The following L3MBTL4 variants were observed in gnomAD, a reference collection of about 807,000 sequenced individuals.
L3MBTL4 encodes the protein L3MBTL histone methyl-lysine binding protein 4.
In L3MBTL4, 70 loss-of-function variants were observed where a neutral mutation model predicts 84.5. That is an observed-to-expected ratio of 0.83 (90% CI 0.68 to 1.01). L3MBTL4 has a LOEUF of 1.01. Among genes scored for constraint, L3MBTL4 ranks in the 50% least tolerant of loss-of-function variants. The pLI is 0.00. For synonymous variants in L3MBTL4, 274 were observed against 259.8 expected, an observed-to-expected ratio of 1.05 and a Z score of -0.52; for missense variants, 715 against 754.8, an observed-to-expected ratio of 0.95 and a Z score of 0.62.
chr18:6,312,454 G>A (rs1182492498), intron 1 of L3MBTL4, among the ~76,000 whole-genome samples: 1 of 151,972 alleles, frequency 6.6e-6, no homozygotes, highest in Non-Finnish European at 1.5e-5. Flanking sequence ...CCAGTTCTAG[G>A]CTCTCCTCCT....
chr18:6,313,447 C>T (rs2050934307), intron 1 of L3MBTL4, among the ~76,000 whole-genome samples: 1 of 152,170 alleles, frequency 6.6e-6, no homozygotes, highest in Non-Finnish European at 1.5e-5. Flanking sequence ...TATCCTTTTG[C>T]TTCTAGTCAG....
chr18:6,099,606 ATG>A (rs1491048537), intron 14 of L3MBTL4, among the ~76,000 whole-genome samples: 5 of 126,378 alleles, frequency 4.0e-5, no homozygotes, highest in African/African-American at 1.3e-4. Flanking sequence ...ATATATATAT[ATG>A]GAGAGAGAGA....
At chr18:6,096,114 T>C (rs2058636298) in intron 14 of L3MBTL4, among the ~76,000 whole-genome samples, 1 of 152,136 alleles carries the variant, frequency 6.6e-6, no homozygotes, top group Admixed American at 6.6e-5. Context: ...ATGTGGTTCA[T>C]GCTACATGGC....
chr18:6,097,672 C>G (rs996785598), intron 14 of L3MBTL4, among the ~76,000 whole-genome samples: 1 of 152,178 alleles, frequency 6.6e-6, no homozygotes, highest in African/African-American at 2.4e-5. Flanking sequence ...GTGCCCCGGT[C>G]TGATGTCTGT....
intron 12 of L3MBTL4, among the ~76,000 whole-genome samples, chr18:6,174,411 A>G (rs1161724426): frequency 6.6e-6 from 1 of 152,216 alleles, no homozygotes; most frequent in Non-Finnish European, 1.5e-5. Flanking sequence ...GGAAACTATA[A>G]AAGAGAAGCA....
In L3MBTL4 at chr18:6,393,032, C is replaced by A. The variant is rs12605807; in HGVS notation, c.-91+21769G>T. Among the ~76,000 whole-genome samples, 898 of 151,980 alleles carry A rather than the reference C, an allele frequency of 5.9e-3. 16 individuals carry two copies. In the East Asian group the frequency reaches 0.078, roughly 13 times the overall value. On this transcript the variant is annotated intron_variant, in intron 1 of 18. Transcript: ENST00000317931. ...CCTCAGAATTCACCACTATACAATT[C>A]AACCATGTAACCAAAAACCACTTGT...
chr18:6,368,606 G>C (rs1209386335), intron 1 of L3MBTL4, among the ~76,000 whole-genome samples: 1 of 152,168 alleles, frequency 6.6e-6, no homozygotes, highest in Non-Finnish European at 1.5e-5. Flanking sequence ...GAAAGTTTAA[G>C]AGACTTCCAA....
At chr18:6,193,451 GC>G (rs1391369752) in intron 12 of L3MBTL4, among the ~76,000 whole-genome samples, 15 of 152,174 alleles carry the variant, frequency 9.9e-5, no homozygotes, top group Non-Finnish European at 1.9e-4. Flanking sequence ...CTCACCTCCA[GC>G]CCCCAAAGGG....
intron 14 of L3MBTL4, among the ~76,000 whole-genome samples, chr18:6,094,471 C>A (rs1038861701): frequency 2.6e-5 from 4 of 152,160 alleles, no homozygotes; most frequent in Non-Finnish European, 5.9e-5. Context: ...CACACAAACA[C>A]ACACACATCA....
At chr18:6,232,471 TAAAA>T (rs2047037799) in intron 10 of L3MBTL4, among the ~76,000 whole-genome samples, 1 of 152,158 alleles carries the variant, frequency 6.6e-6, no homozygotes, top group Non-Finnish European at 1.5e-5. Flanking sequence ...TACTGGTTCT[TAAAA>T]TGTTTGCTAG....
chr18:6,206,471 G>GCCC (rs974836605), intron 12 of L3MBTL4, among the ~76,000 whole-genome samples: 1 of 152,184 alleles, frequency 6.6e-6, no homozygotes, highest in Non-Finnish European at 1.5e-5. Flanking sequence ...GATCTCGCAG[G>GCCC]TCAGGCTGGT....
chr18:6,061,740 C>T (rs190362513), intron 16 of L3MBTL4, among the ~76,000 whole-genome samples: 89 of 151,934 alleles, frequency 5.9e-4, no homozygotes, highest in African/African-American at 1.9e-3. Context: ...GCACTTTATA[C>T]GATTCAATTT....
intron 1 of L3MBTL4, among the ~76,000 whole-genome samples, chr18:6,339,120 A>G (rs776344781): frequency 6.6e-5 from 10 of 152,164 alleles, no homozygotes; most frequent in Non-Finnish European, 1.3e-4. Context: ...CGACCCAAAC[A>G]TCATATCATT....
At chr18:6,068,147 A>C (rs2145946824) in intron 16 of L3MBTL4, among the ~76,000 whole-genome samples, 1 of 152,252 alleles carries the variant, frequency 6.6e-6, no homozygotes, top group South Asian at 2.1e-4. Flanking sequence ...CCTGTGGGTA[A>C]GTTCACTGTC....
intron 14 of L3MBTL4, among the ~76,000 whole-genome samples, chr18:6,095,401 G>T (rs1396935568): frequency 1.4e-5 from 2 of 142,818 alleles, no homozygotes; most frequent in African/African-American, 5.5e-5. Flanking sequence ...AGGCTGGAGT[G>T]CAGTGGTGCG....
chr18:6,097,572 G>A (rs1333449613), intron 14 of L3MBTL4, among the ~76,000 whole-genome samples: 1 of 152,136 alleles, frequency 6.6e-6, no homozygotes, highest in African/African-American at 2.4e-5. Flanking sequence ...CAGTTTCCCT[G>A]TATTCCCAGG....
intron 16 of L3MBTL4, among the ~76,000 whole-genome samples, chr18:6,041,358 G>T (rs2056390580): frequency 6.6e-6 from 1 of 152,088 alleles, no homozygotes; most frequent in African/African-American, 2.4e-5. Flanking sequence ...CTTCCAACAG[G>T]TGAGCACCCA....
chr18:6,154,583 G>C (rs921686232), intron 13 of L3MBTL4, among the ~76,000 whole-genome samples: 1 of 152,082 alleles, frequency 6.6e-6, no homozygotes, highest in African/African-American at 2.4e-5. Context: ...CAAACAACCT[G>C]GTATTTAAAA....
At chr18:6,072,899 T>A (rs369969604) in intron 16 of L3MBTL4, among the ~76,000 whole-genome samples, 2,615 of 26,830 alleles carry the variant, frequency 0.097, 519 homozygotes, top group Middle Eastern at 0.21. Flanking sequence ...TATATATATA[T>A]ATATATATAT....
Sources: allele counts gnomAD v4.1 joint callset (sites outside exome capture counted in the v4.1 genomes callset), GRCh38; gene constraint gnomAD v4.1.1; transcripts MANE v1.5; gene names NCBI Gene and HGNC (gene_info 2026-07-23, HGNC 2026-07-21).